CHSY3: variants seen among roughly 807,000 people sequenced by gnomAD.
CHSY3 encodes N-acetylgalactosaminyl-proteoglycan 3-beta-glucuronosyltransferase 3.
In CHSY3, 35 loss-of-function variants were observed where a neutral mutation model predicts 67.2. The observed-to-expected ratio is 0.52, with a 90% CI of 0.40 to 0.69. The LOEUF is 0.69. CHSY3 is among the 30% of genes least tolerant of loss of function. The probability of loss-of-function intolerance (pLI) is 0.00; values close to 1 mark genes in which losing one functional copy is unlikely to be tolerated. For synonymous variants in CHSY3, 474 were observed against 434.7 expected, an observed-to-expected ratio of 1.09 and a Z score of -1.12; for missense variants, 1,069 against 1,138.5, an observed-to-expected ratio of 0.94 and a Z score of 0.88.
chr5:129,951,571 A>C (rs899997594), intron 2 of CHSY3, among the ~76,000 whole-genome samples: 1 of 152,210 alleles, frequency 6.6e-6, no homozygotes. Context: ...TTTAAGCAAC[A>C]CATGTCATCT....
At position 130,064,238 on chromosome 5, in the gene CHSY3, A is replaced by C. The variant is rs1765807660; in HGVS notation, c.1087-119991A>C. On this transcript the variant is annotated intron_variant, in intron 2 of 2. Transcript: ENST00000305031. Reference sequence around the variant, plus strand: ...CTAATATATTATTAGTGATTATTTTAGGTACATACTCTATATCCAAAATGC... The same window carrying C: ...CTAATATATTATTAGTGATTATTTTCGGTACATACTCTATATCCAAAATGC... 2.0e-5 allele frequency among the ~76,000 whole-genome samples: 3 copies of C among 152,104 alleles called. No individual in the cohort carries two copies. The South Asian group carries it at 6.2e-4, about 32-fold the overall frequency.
chr5:129,986,635 T>A lies in CHSY3; in HGVS notation c.1086+78275T>A, dbSNP rs186095319. Among the ~76,000 whole-genome samples the A allele has an allele frequency of 1.7e-3, 261 of 152,212 alleles. 2 individuals carry two copies. The highest frequency in any genetic ancestry group is 6.1e-3 in the African/African-American group (253 of 41,528). On this transcript the variant is annotated intron_variant, in intron 2 of 2. Transcript: ENST00000305031. ...CATTATCAGAAAAGGTTTCTTTCCT[T>A]TATTTTATTTATTTATTTATTTATT...
chr5:130,098,571 C>T (rs747203946), intron 2 of CHSY3, among the ~76,000 whole-genome samples: 13 of 152,100 alleles, frequency 8.5e-5, no homozygotes, highest in Non-Finnish European at 1.9e-4. Context: ...ATAATAATAA[C>T]GTTTACCTTA....
chr5:129,909,927 A>T (rs2149575624), intron 2 of CHSY3, among the ~76,000 whole-genome samples: 1 of 152,142 alleles, frequency 6.6e-6, no homozygotes, highest in South Asian at 2.1e-4. Context: ...CCTTAACATA[A>T]TATATAAAAT....
intron 2 of CHSY3, among the ~76,000 whole-genome samples, chr5:129,914,495 G>T (rs1760674812): frequency 6.6e-6 from 1 of 152,158 alleles, no homozygotes; most frequent in African/African-American, 2.4e-5. Context: ...ATATGAAAAA[G>T]TATAAGACAG....
chr5:130,141,642 A>G, intron 2 of CHSY3: 1 of 521,956 alleles, frequency 1.9e-6, no homozygotes, highest in South Asian at 1.4e-5. Flanking sequence ...CCAAGAATTC[A>G]GTTGAAAGCT....
chr5:130,184,593 G>T lies in CHSY3; in HGVS notation c.1451G>T (p.Arg484Leu). The change falls in exon 3 of 3, where the codon CGA (arginine) becomes CTA (leucine). Residue 484 changes from arginine to leucine, a missense_variant. Physicochemically the swap from Arg to Leu is moderately radical, Grantham distance 102 (BLOSUM62 -2). Transcript: ENST00000305031. ...TCAGCAGCTGAGAACCAGCCCCCTC[G>T]ACAGAGCCTCAGTAGCATTTTAAGA... ...LYSAAENQPPRQSLSSILRTA... is the reference protein window; with the variant it reads ...LYSAAENQPPLQSLSSILRTA... 6.2e-7 allele frequency: 1 copy of T among 1,612,364 alleles called. No homozygotes were observed. Among genetic ancestry groups the T allele is most frequent in the Non-Finnish European group, 8.5e-7 (1 of 1,178,430 alleles).
chr5:129,950,656 A>G lies in CHSY3; in HGVS notation c.1086+42296A>G, dbSNP rs544453846. 1.5e-4 allele frequency among the ~76,000 whole-genome samples: 23 copies of G among 152,328 alleles called. No homozygotes were observed. In the South Asian group the frequency reaches 4.8e-3, roughly 32 times the overall value. Reference sequence around the variant, plus strand: ...AAATATCTGAAAAAGAAATTAAGAAAATAATTCCATTTATGATAGTATGAG... The same window carrying G: ...AAATATCTGAAAAAGAAATTAAGAAGATAATTCCATTTATGATAGTATGAG... On this transcript the variant is annotated intron_variant, in intron 2 of 2. Coordinates refer to ENST00000305031, the MANE Select transcript of CHSY3 (RefSeq NM_175856.5).
chr5:130,016,329 A>G (rs1356485912), intron 2 of CHSY3, among the ~76,000 whole-genome samples: 1 of 152,248 alleles, frequency 6.6e-6, no homozygotes, highest in Admixed American at 6.5e-5. Context: ...TCTGGAGTGA[A>G]CAGATAAAGT....
At position 129,958,942 on chromosome 5, in the gene CHSY3, G is replaced by A. The variant is rs191460122; in HGVS notation, c.1086+50582G>A. Among the ~76,000 whole-genome samples the A allele has an allele frequency of 5.8e-3, 877 of 152,082 alleles. 3 individuals carry two copies. The highest frequency in any genetic ancestry group is 0.01 in the Middle Eastern group (3 of 294). On this transcript the variant is annotated intron_variant, in intron 2 of 2. Coordinates refer to ENST00000305031, the MANE Select transcript of CHSY3 (RefSeq NM_175856.5). ...TTAATCCCTAAAAGAATAAAATATA[G>A]GACTCAGTATTTCCTTGTTAGCCTA...
At chr5:129,970,398 TTAGA>T (rs59639782) in intron 2 of CHSY3, among the ~76,000 whole-genome samples, 55,872 of 145,422 alleles carry the variant, frequency 0.38, 10,808 homozygotes, top group East Asian at 0.47. Context: ...GAGGAACAGA[TTAGA>T]TAGATAGATA....
chr5:130,144,213 T>C (rs989530743), intron 2 of CHSY3, among the ~76,000 whole-genome samples: 1 of 151,996 alleles, frequency 6.6e-6, no homozygotes, highest in African/African-American at 2.4e-5. Context: ...AATAGTACTT[T>C]AGAACGCAGA....
intron 2 of CHSY3, among the ~76,000 whole-genome samples, chr5:129,915,785 G>A (rs752864286): frequency 1.3e-5 from 2 of 152,100 alleles, no homozygotes; most frequent in Non-Finnish European, 1.5e-5. Flanking sequence ...TAAGAGAAAA[G>A]TATGCAGAAA....
chr5:129,995,673 T>G (rs1340497430), intron 2 of CHSY3, among the ~76,000 whole-genome samples: 6 of 151,952 alleles, frequency 3.9e-5, no homozygotes, highest in African/African-American at 7.3e-5. Flanking sequence ...GAGCCAACAT[T>G]CTAATTCTAG....
chr5:130,013,329 C>T (rs980326149), intron 2 of CHSY3, among the ~76,000 whole-genome samples: 2 of 152,190 alleles, frequency 1.3e-5, no homozygotes, highest in African/African-American at 2.4e-5. Context: ...CTTCTCACAG[C>T]TCCACCAGGC....
chr5:130,174,358 T>C (rs1315814684), intron 2 of CHSY3, among the ~76,000 whole-genome samples: 1 of 152,036 alleles, frequency 6.6e-6, no homozygotes, highest in African/African-American at 2.4e-5. Context: ...AAGTAACTTC[T>C]TTACATAAGT....
chr5:130,042,749 TCTCA>T (rs1292731097), intron 2 of CHSY3, among the ~76,000 whole-genome samples: 1 of 152,172 alleles, frequency 6.6e-6, no homozygotes, highest in Non-Finnish European at 1.5e-5. Flanking sequence ...CTTTTTAGTT[TCTCA>T]CTCTTCATAT....
chr5:130,005,701 A>T (rs1763855717), intron 2 of CHSY3, among the ~76,000 whole-genome samples: 1 of 152,160 alleles, frequency 6.6e-6, no homozygotes, highest in Non-Finnish European at 1.5e-5. Context: ...TTTATTTTTT[A>T]TATTCGAATC....
intron 2 of CHSY3, among the ~76,000 whole-genome samples, chr5:129,939,250 G>T (rs540181704): frequency 1.3e-5 from 2 of 152,058 alleles, no homozygotes; most frequent in Non-Finnish European, 1.5e-5. Context: ...CCCAACCCCC[G>T]ATTCAGTCAC....
Sources: allele counts gnomAD v4.1 joint callset (sites outside exome capture counted in the v4.1 genomes callset), GRCh38; gene constraint gnomAD v4.1.1; transcripts MANE v1.5; gene names NCBI Gene and HGNC (gene_info 2026-07-23, HGNC 2026-07-21).